AGBL1: variants seen among roughly 807,000 people sequenced by gnomAD.
AGBL1 encodes AGBL carboxypeptidase 1.
Under a neutral mutation model 118.9 loss-of-function variants are expected in AGBL1, and 130 were observed. That is an observed-to-expected ratio of 1.09 (90% CI 0.95 to 1.26). The LOEUF is 1.26. AGBL1 is among the 50% of genes most tolerant of loss of function. The pLI is 0.00. For synonymous variants in AGBL1, 555 were observed against 478.9 expected, an observed-to-expected ratio of 1.16 and a Z score of -2.08; for missense variants, 1,584 against 1,298.1, an observed-to-expected ratio of 1.22 and a Z score of -3.38.
chr15:86,551,961 G>C (rs1337584518), intron 20 of AGBL1, among the ~76,000 whole-genome samples: 1 of 152,158 alleles, frequency 6.6e-6, no homozygotes, highest in East Asian at 1.9e-4. Flanking sequence ...AAAAGATCGG[G>C]GTTGCCAGGA....
chr15:86,545,888 T>C (rs2083573241), intron 19 of AGBL1, 114 bp from the exon 20 acceptor site: 4 of 1,305,880 alleles, frequency 3.1e-6, no homozygotes, highest in East Asian at 2.5e-5. Flanking sequence ...TCCGAGAAAG[T>C]TGACATTGTA....
chr15:87,022,655 C>T lies in AGBL1; in HGVS notation c.3324-6170C>T, dbSNP rs1357510561. ...GATCATCGCCTAGGCACATTGTCAT[C>T]GGGTTATATAAGTTAAGACGGAAGA... On this transcript the variant is annotated intron_variant, in intron 24 of 24. Coordinates refer to the AGBL1 transcript ENST00000441037. Among the ~76,000 whole-genome samples, 7 of 152,084 alleles carry T rather than the reference C, an allele frequency of 4.6e-5. No individual in the cohort carries two copies. In the East Asian group the frequency reaches 5.8e-4, roughly 13 times the overall value.
intron 17 of AGBL1, among the ~76,000 whole-genome samples, chr15:86,380,259 T>C (rs796559105): frequency 1.6e-4 from 7 of 44,966 alleles, no homozygotes; most frequent in East Asian, 2.5e-3. Flanking sequence ...CTCCCTCCCT[T>C]TCTTCCTTCC....
At chr15:87,005,645 C>G (rs1305664034) in intron 24 of AGBL1, among the ~76,000 whole-genome samples, 3 of 152,178 alleles carry the variant, frequency 2.0e-5, no homozygotes, top group Non-Finnish European at 2.9e-5. Flanking sequence ...ACTTCCTCCT[C>G]TAGCTCAGAG....
intron 1 of AGBL1, among the ~76,000 whole-genome samples, chr15:86,103,959 C>G (rs549960397): frequency 6.6e-6 from 1 of 152,046 alleles, no homozygotes; most frequent in Admixed American, 6.5e-5. Flanking sequence ...GCAGGACAAC[C>G]CTCTAGCTCC....
chr15:86,624,837 C>A (rs766112866), intron 21 of AGBL1, among the ~76,000 whole-genome samples: 16 of 152,190 alleles, frequency 1.1e-4, no homozygotes, highest in Non-Finnish European at 1.8e-4. Context: ...GCTTGTCGTT[C>A]CCTCTCCTGC....
chr15:86,211,326 C>T (rs916864306), intron 5 of AGBL1, among the ~76,000 whole-genome samples: 1 of 152,248 alleles, frequency 6.6e-6, no homozygotes, highest in African/African-American at 2.4e-5. Flanking sequence ...TTTGTCCATT[C>T]TCAGAGCTCA....
chr15:86,650,031 A>G (rs1445797527), intron 21 of AGBL1, among the ~76,000 whole-genome samples: 1 of 152,238 alleles, frequency 6.6e-6, no homozygotes, highest in African/African-American at 2.4e-5. Flanking sequence ...TAAAAGTATC[A>G]TTCAGCATTC....
intron 21 of AGBL1, among the ~76,000 whole-genome samples, chr15:86,616,528 A>G (rs912403142): frequency 3.3e-5 from 5 of 152,092 alleles, no homozygotes; most frequent in African/African-American, 1.2e-4. Flanking sequence ...ATGCCTGATC[A>G]ATGGGTAAAT....
intron 22 of AGBL1, among the ~76,000 whole-genome samples, chr15:86,761,009 T>C (rs2078015184): frequency 6.6e-6 from 1 of 152,044 alleles, no homozygotes; most frequent in South Asian, 2.1e-4. Context: ...CAGCAATTCA[T>C]AGAGGGAAAC....
At chr15:86,220,070 G>A (rs1019909423) in intron 5 of AGBL1, among the ~76,000 whole-genome samples, 1 of 148,674 alleles carries the variant, frequency 6.7e-6, no homozygotes, top group African/African-American at 2.5e-5. Flanking sequence ...TCCTGCCTCA[G>A]CCTCACAAGT....
intron 5 of AGBL1, among the ~76,000 whole-genome samples, chr15:86,215,210 A>AGTGTGT (rs1229952974): frequency 1.0e-5 from 1 of 99,310 alleles, no homozygotes; most frequent in East Asian, 2.9e-4. Flanking sequence ...TGTGTGTGTG[A>AGTGTGT]GTGTATATGT....
intron 5 of AGBL1, among the ~76,000 whole-genome samples, chr15:86,211,633 G>A (rs905189057): frequency 1.3e-5 from 2 of 152,216 alleles, no homozygotes; most frequent in Non-Finnish European, 2.9e-5. Context: ...TGTGGGTATG[G>A]GACTTGCCGA....
chr15:86,183,750 G>A (rs1287546794), intron 5 of AGBL1, among the ~76,000 whole-genome samples: 1 of 152,070 alleles, frequency 6.6e-6, no homozygotes, highest in African/African-American at 2.4e-5. Flanking sequence ...GGTGTTTCAG[G>A]CCAAATGAAT....
chr15:86,321,900 C>T lies in AGBL1; in HGVS notation c.2374+26492C>T, dbSNP rs970403747. Among the ~76,000 whole-genome samples the T allele has an allele frequency of 3.5e-4, 53 of 151,774 alleles. 1 individual carries two copies. The highest frequency in any genetic ancestry group is 8.8e-5 in the Non-Finnish European group (6 of 67,966). On this transcript the variant is annotated intron_variant, in intron 17 of 22. Transcript: ENST00000614907. The stretch of plus-strand genomic sequence containing the variant: ...TTTTTTATTGTTACTTTTTTTAACC[C>T]ATGAATTATTCAATACTTTCTTTAA...
chr15:86,553,552 G>A (rs10852076), intron 20 of AGBL1, among the ~76,000 whole-genome samples: 91,649 of 152,010 alleles, frequency 0.6, 28,373 homozygotes, highest in East Asian at 0.89. Context: ...ATACTCTTAG[G>A]AAAGAAGTGA....
chr15:86,778,315 T>C (rs945361217), intron 22 of AGBL1, among the ~76,000 whole-genome samples: 4 of 152,164 alleles, frequency 2.6e-5, no homozygotes, highest in Admixed American at 6.6e-5. Context: ...CACAATTTCA[T>C]TGATAACATC....
chr15:86,204,994 A>G (rs2077968457), intron 5 of AGBL1, among the ~76,000 whole-genome samples: 1 of 152,222 alleles, frequency 6.6e-6, no homozygotes, highest in Non-Finnish European at 1.5e-5. Flanking sequence ...GGAGAAATTT[A>G]TAGTGATATG....
chr15:86,462,258 A>T (rs2082343420), intron 18 of AGBL1, among the ~76,000 whole-genome samples: 1 of 152,048 alleles, frequency 6.6e-6, no homozygotes, highest in Non-Finnish European at 1.5e-5. Flanking sequence ...ATGGAGGGCC[A>T]TATCTGGGGC....
Sources: allele counts gnomAD v4.1 joint callset (sites outside exome capture counted in the v4.1 genomes callset), GRCh38; gene constraint gnomAD v4.1.1; transcripts MANE v1.5; gene names NCBI Gene and HGNC (gene_info 2026-07-23, HGNC 2026-07-21).